PLA2R1: variants seen among roughly 807,000 people sequenced by gnomAD.
PLA2R1 encodes secretory phospholipase A2 receptor.
Under a neutral mutation model 195.9 loss-of-function variants are expected in PLA2R1, and 158 were observed. The observed-to-expected ratio is 0.81, with a 90% CI of 0.71 to 0.92. PLA2R1 has a LOEUF of 0.92. PLA2R1 is among the 40% of genes least tolerant of loss of function. The pLI is 0.00. For synonymous variants in PLA2R1, 586 were observed against 598.2 expected, an observed-to-expected ratio of 0.98 and a Z score of 0.30; for missense variants, 1,626 against 1,764.6, an observed-to-expected ratio of 0.92 and a Z score of 1.41.
intron 17 of PLA2R1, among the ~76,000 whole-genome samples, chr2:159,973,259 C>T (rs1166418450): frequency 6.6e-6 from 1 of 151,988 alleles, no homozygotes; most frequent in Non-Finnish European, 1.5e-5. Context: ...TCACCACCAC[C>T]AACAATAAGT....
intron 11 of PLA2R1, among the ~76,000 whole-genome samples, chr2:159,997,836 T>C (rs1361027781): frequency 6.6e-6 from 1 of 152,154 alleles, no homozygotes; most frequent in Non-Finnish European, 1.5e-5. Flanking sequence ...TTTTTCAGTT[T>C]GTTCAGCTCT....
intron 20 of PLA2R1, among the ~76,000 whole-genome samples, chr2:159,959,797 A>T (rs751588798): frequency 7.7e-4 from 117 of 151,960 alleles, no homozygotes; most frequent in Admixed American, 1.7e-3. Context: ...CAACAGCCAT[A>T]CCATTTGGAC....
chr2:159,955,085 C>T, intron 23 of PLA2R1, 114 bp downstream of exon 23: 1 of 733,086 alleles, frequency 1.4e-6, no homozygotes, highest in Non-Finnish European at 2.3e-6. Flanking sequence ...AAGTGCCTGA[C>T]ACTGTTAGCC....
At chr2:160,023,598 T>C (rs1693293584) in intron 6 of PLA2R1, among the ~76,000 whole-genome samples, 1 of 152,188 alleles carries the variant, frequency 6.6e-6, no homozygotes, top group South Asian at 2.1e-4. Context: ...GAACTGTAAG[T>C]GTAATCAGCT....
At chr2:159,988,195 A>G (rs1036869915) in intron 11 of PLA2R1, among the ~76,000 whole-genome samples, 11 of 152,040 alleles carry the variant, frequency 7.2e-5, no homozygotes, top group African/African-American at 2.7e-4. Flanking sequence ...TCAGTGAAGA[A>G]CAGTAGAAAG....
intron 1 of PLA2R1, among the ~76,000 whole-genome samples, chr2:160,051,425 T>C (rs1282394383): frequency 6.6e-6 from 1 of 152,240 alleles, no homozygotes; most frequent in East Asian, 1.9e-4. Flanking sequence ...CTTGACTCTG[T>C]CCATTTCCTT....
At chr2:159,989,298 C>T (rs1432468061) in intron 11 of PLA2R1, among the ~76,000 whole-genome samples, 1 of 152,198 alleles carries the variant, frequency 6.6e-6, no homozygotes. Context: ...CCAGCTGGAT[C>T]ATGAACAGTA....
At chr2:160,009,504 A>C (rs1692213514) in intron 10 of PLA2R1, among the ~76,000 whole-genome samples, 1 of 152,104 alleles carries the variant, frequency 6.6e-6, no homozygotes, top group Admixed American at 6.6e-5. Context: ...CAGAAAATAG[A>C]ATAGTAGTTG....
downstream of PLA2R1, among the ~76,000 whole-genome samples, chr2:159,929,492 A>AC (rs1686542618): frequency 2.0e-5 from 3 of 152,122 alleles, no homozygotes; most frequent in Admixed American, 6.5e-5. Context: ...CCAAAAAAAT[A>AC]TAAAAAAATA....
intron 10 of PLA2R1, among the ~76,000 whole-genome samples, chr2:160,007,001 C>T (rs1337839332): frequency 6.6e-6 from 1 of 152,154 alleles, no homozygotes; most frequent in Non-Finnish European, 1.5e-5. Flanking sequence ...ATTTATGGTA[C>T]TCATCTTTGC....
At chr2:159,977,936 A>G (rs180769536) in intron 14 of PLA2R1, among the ~76,000 whole-genome samples, 15 of 152,200 alleles carry the variant, frequency 9.9e-5, no homozygotes, top group Non-Finnish European at 2.1e-4. Context: ...TCTCAAAAAA[A>G]ATAAATAAAT....
At chr2:159,931,377 T>TTAAA (rs1686582284), downstream of PLA2R1, among the ~76,000 whole-genome samples, 1 of 152,050 alleles carries the variant, frequency 6.6e-6, no homozygotes, top group Admixed American at 6.6e-5. Context: ...AAAAGTTTTT[T>TTAAA]TAAATAATAA....
At chr2:160,049,473 A>G (rs1695087454) in intron 1 of PLA2R1, among the ~76,000 whole-genome samples, 1 of 152,206 alleles carries the variant, frequency 6.6e-6, no homozygotes, top group African/African-American at 2.4e-5. Context: ...CTGTTCTTTG[A>G]AACTGTATAT....
intron 11 of PLA2R1, among the ~76,000 whole-genome samples, chr2:159,993,761 A>G (rs766430202): frequency 1.2e-4 from 18 of 152,148 alleles, no homozygotes; most frequent in Non-Finnish European, 2.4e-4. Flanking sequence ...GAGCATTAAA[A>G]AGGATAATTG....
At chr2:159,975,684 T>A (rs571453674) in intron 17 of PLA2R1, among the ~76,000 whole-genome samples, 1 of 152,232 alleles carries the variant, frequency 6.6e-6, no homozygotes, top group East Asian at 1.9e-4. Flanking sequence ...ATGGTCTTTC[T>A]TCCCAGACGA....
chr2:159,975,973 C>T lies in PLA2R1; in HGVS notation c.2595+95G>A, dbSNP rs778645480. On this transcript the variant is annotated intron_variant, in intron 17 of 29. Transcript: ENST00000283243. ...TTTTACTGAAGTTTAAATAAATATC[C>T]GAAGTCAAATCGAAAAAACTATCCC... The T allele has an allele frequency of 4.2e-5, 37 of 889,000 alleles. No homozygotes were observed. In the Admixed American group the frequency reaches 4.3e-4, roughly 10 times the overall value. 55.1% of individuals were successfully genotyped at this position (889,000 alleles called of 1,614,324 possible).
chr2:160,001,919 T>G (rs186846801), intron 11 of PLA2R1, among the ~76,000 whole-genome samples: 111 of 151,496 alleles, frequency 7.3e-4, no homozygotes, highest in African/African-American at 2.6e-3. Flanking sequence ...CAAAAAATAT[T>G]GAGGCTATAG....
chr2:159,995,789 A>G (rs144497755), intron 11 of PLA2R1, among the ~76,000 whole-genome samples: 1 of 147,890 alleles, frequency 6.8e-6, no homozygotes, highest in African/African-American at 2.7e-5. Flanking sequence ...GTTGACAGCA[A>G]AATTGAGCGC....
intron 1 of PLA2R1, among the ~76,000 whole-genome samples, chr2:160,049,943 A>G (rs1431093356): frequency 6.6e-6 from 1 of 152,186 alleles, no homozygotes; most frequent in Non-Finnish European, 1.5e-5. Context: ...GAAACAACAC[A>G]CACTGAGGCC....
Sources: allele counts gnomAD v4.1 joint callset (sites outside exome capture counted in the v4.1 genomes callset), GRCh38; gene constraint gnomAD v4.1.1; transcripts MANE v1.5; gene names NCBI Gene and HGNC (gene_info 2026-07-23, HGNC 2026-07-21).